EPHA6: variants seen among roughly 807,000 people sequenced by gnomAD.
EPHA6 encodes the protein EPH receptor A6.
In EPHA6, 50 loss-of-function variants were observed where a neutral mutation model predicts 112.0. The ratio of observed to expected loss-of-function variants is 0.45; its 90% CI spans 0.36 to 0.56. The LOEUF is 0.56. EPHA6 is among the 20% of genes least tolerant of loss of function. The pLI, the probability that EPHA6 is intolerant of heterozygous loss-of-function variation, is 0.00. For synonymous variants in EPHA6, 529 were observed against 490.7 expected, an observed-to-expected ratio of 1.08 and a Z score of -1.03; for missense variants, 1,280 against 1,417.4, an observed-to-expected ratio of 0.90 and a Z score of 1.56.
intron 14 of EPHA6, among the ~76,000 whole-genome samples, chr3:97,657,406 C>T (rs1206993199): frequency 6.6e-6 from 1 of 151,882 alleles, no homozygotes; most frequent in Non-Finnish European, 1.5e-5. Flanking sequence ...ACCCTACCCT[C>T]TATAGGTTCC....
At chr3:97,457,272 T>A (rs1363838349) in intron 7 of EPHA6, among the ~76,000 whole-genome samples, 1 of 152,124 alleles carries the variant, frequency 6.6e-6, no homozygotes, top group Non-Finnish European at 1.5e-5. Flanking sequence ...ATCATAGCGA[T>A]GATATATAAA....
intron 3 of EPHA6, among the ~76,000 whole-genome samples, chr3:97,047,200 T>C (rs988929531): frequency 1.3e-5 from 2 of 151,832 alleles, no homozygotes; most frequent in Admixed American, 6.6e-5. Context: ...TAAATTTCTG[T>C]AAGATATAAG....
chr3:97,340,960 T>C (rs1375833049), intron 5 of EPHA6, among the ~76,000 whole-genome samples: 1 of 152,226 alleles, frequency 6.6e-6, no homozygotes, highest in Admixed American at 6.5e-5. Flanking sequence ...CAATCTATGA[T>C]GCCTTACTCA....
chr3:96,834,917 C>T (rs945498814), intron 1 of EPHA6, among the ~76,000 whole-genome samples: 3 of 152,084 alleles, frequency 2.0e-5, no homozygotes, highest in Middle Eastern at 3.4e-3. Context: ...TCCGGCCATA[C>T]AACAATTATA....
chr3:97,645,281 A>G (rs1477889784), intron 14 of EPHA6, among the ~76,000 whole-genome samples: 2 of 146,380 alleles, frequency 1.4e-5, no homozygotes, highest in African/African-American at 2.5e-5. Context: ...TCCAACAATG[A>G]TAGACTGGAT....
At chr3:96,816,724 C>T (rs2032816463) in intron 1 of EPHA6, among the ~76,000 whole-genome samples, 1 of 151,926 alleles carries the variant, frequency 6.6e-6, no homozygotes, top group Non-Finnish European at 1.5e-5. Context: ...CCAGGGGATA[C>T]TAACATAAAT....
intron 2 of EPHA6, among the ~76,000 whole-genome samples, chr3:96,945,725 T>C (rs1007525581): frequency 6.6e-6 from 1 of 152,124 alleles, no homozygotes; most frequent in Non-Finnish European, 1.5e-5. Context: ...TATCTGTGAA[T>C]ACCAATAAAA....
intron 5 of EPHA6, among the ~76,000 whole-genome samples, chr3:97,389,409 A>G (rs1449169889): frequency 2.0e-5 from 3 of 152,150 alleles, no homozygotes; most frequent in Non-Finnish European, 4.4e-5. Flanking sequence ...CTTATACGTG[A>G]CCTAATGTAA....
At chr3:97,556,318 A>G (rs2107127677) in intron 11 of EPHA6, among the ~76,000 whole-genome samples, 1 of 152,162 alleles carries the variant, frequency 6.6e-6, no homozygotes, top group South Asian at 2.1e-4. Flanking sequence ...ATGTATGTGC[A>G]TTAGTCTATT....
intron 3 of EPHA6, among the ~76,000 whole-genome samples, chr3:97,136,703 A>G (rs2075778481): frequency 6.6e-6 from 1 of 152,198 alleles, no homozygotes; most frequent in African/African-American, 2.4e-5. Context: ...AGAAAACTTC[A>G]TAAAGTTTGA....
chr3:97,135,839 A>G (rs1456298609), intron 3 of EPHA6, among the ~76,000 whole-genome samples: 1 of 151,840 alleles, frequency 6.6e-6, no homozygotes, highest in African/African-American at 2.4e-5. Context: ...AAACTCAACT[A>G]GACGCTGGAT....
intron 5 of EPHA6, among the ~76,000 whole-genome samples, chr3:97,276,212 G>A (rs2080074034): frequency 6.6e-6 from 1 of 152,126 alleles, no homozygotes; most frequent in African/African-American, 2.4e-5. Flanking sequence ...ATGGTCTAGG[G>A]GGCTTCCGAG....
chr3:96,986,061 C>T (rs1471472747), intron 2 of EPHA6, among the ~76,000 whole-genome samples: 1 of 151,914 alleles, frequency 6.6e-6, no homozygotes, highest in African/African-American at 2.4e-5. Flanking sequence ...CATGTTTTCC[C>T]AAAAATGCCA....
chr3:97,024,144 A>G (rs1225251406), intron 3 of EPHA6, among the ~76,000 whole-genome samples: 2 of 152,166 alleles, frequency 1.3e-5, no homozygotes, highest in African/African-American at 4.8e-5. Context: ...TACTCTATTG[A>G]GACCTAGTAT....
chr3:96,932,450 T>A (rs1452668702), intron 2 of EPHA6, among the ~76,000 whole-genome samples: 1 of 150,952 alleles, frequency 6.6e-6, no homozygotes, highest in Non-Finnish European at 1.5e-5. Flanking sequence ...CCAAAATCCT[T>A]TAAAAAGAGA....
intron 3 of EPHA6, among the ~76,000 whole-genome samples, chr3:97,134,687 A>G (rs1200006207): frequency 6.6e-6 from 1 of 152,192 alleles, no homozygotes; most frequent in Non-Finnish European, 1.5e-5. Context: ...AAACTAGTGC[A>G]TTGTAAGAAA....
At chr3:97,674,792 A>G (rs1039317146) in intron 14 of EPHA6, among the ~76,000 whole-genome samples, 20 of 152,200 alleles carry the variant, frequency 1.3e-4, no homozygotes, top group African/African-American at 4.3e-4. Flanking sequence ...TGAAATCACA[A>G]CTTTGTAAGC....
At chr3:96,817,248 A>G (rs1013401726) in intron 1 of EPHA6, among the ~76,000 whole-genome samples, 4 of 151,898 alleles carry the variant, frequency 2.6e-5, no homozygotes, top group Non-Finnish European at 5.9e-5. Flanking sequence ...GTGAGTAGAA[A>G]TTTTTCCTGA....
At chr3:97,223,454 T>G (rs932941403) in intron 3 of EPHA6, among the ~76,000 whole-genome samples, 2 of 152,154 alleles carry the variant, frequency 1.3e-5, no homozygotes, top group African/African-American at 2.4e-5. Flanking sequence ...AAAAGCCCTG[T>G]TGTGGGAACA....
Sources: allele counts gnomAD v4.1 joint callset (sites outside exome capture counted in the v4.1 genomes callset), GRCh38; gene constraint gnomAD v4.1.1; transcripts MANE v1.5; gene names NCBI Gene and HGNC (gene_info 2026-07-23, HGNC 2026-07-21).